The following TRPC5 variants were observed in gnomAD, a reference collection of about 807,000 sequenced individuals.
TRPC5 encodes the protein transient receptor potential cation channel subfamily C member 5.
TRPC5 carries 9 observed loss-of-function variants against 56.5 expected under a neutral mutation model. The observed-to-expected ratio is 0.16, with a 90% CI of 0.10 to 0.28. TRPC5 has a LOEUF of 0.28. TRPC5 is among the 10% of genes least tolerant of loss of function. The pLI, the probability that TRPC5 is intolerant of heterozygous loss-of-function variation, is 1.00. For synonymous variants in TRPC5, 282 were observed against 278.5 expected (o/e 1.01, Z -0.13); for missense variants, 469 against 748.9 (o/e 0.63, Z 4.36).
At position 111,776,327 on chromosome X, in the gene TRPC5, T is replaced by C. The variant is rs1194960473; in HGVS notation, c.2908A>G (p.Thr970Ala). The change falls in exon 11 of 11, where the codon ACA (threonine) becomes GCA (alanine). Residue 970 changes from threonine to alanine, a missense_variant. Coordinates refer to ENST00000262839, the MANE Select transcript of TRPC5 (RefSeq NM_012471.3). ...TAGGGCTTGACTTAGAGGCGAGTTGTAACTTGTTCTTCCTGTCCATCACCC... is the reference window on the plus strand; with the variant it reads ...TAGGGCTTGACTTAGAGGCGAGTTGCAACTTGTTCTTCCTGTCCATCACCC... ...KWGDGQEEQV[T>A]TRL The C allele has an allele frequency of 1.7e-6, 2 of 1,176,933 alleles. No individual in the cohort carries two copies. The highest frequency in any genetic ancestry group is 4.0e-5 in the South Asian group (2 of 50,586).
intron 3 of TRPC5, among the ~76,000 whole-genome samples, chrX:111,899,408 A>C (rs1344211413): frequency 2.7e-5 from 3 of 111,668 alleles, no homozygotes; most frequent in Non-Finnish European, 5.7e-5. Context: ...ATTTTTTTCC[A>C]GTTTTAGGAG....
At chrX:111,802,506 C>T (rs1179742540) in intron 7 of TRPC5, among the ~76,000 whole-genome samples, 1 of 111,800 alleles carries the variant, frequency 8.9e-6, no homozygotes, top group East Asian at 2.8e-4. Context: ...ATTAAGATGA[C>T]ACCTTCAATT....
At chrX:111,914,040 C>T (rs749522839) in intron 2 of TRPC5, among the ~76,000 whole-genome samples, 160 of 109,677 alleles carry the variant, frequency 1.5e-3, no homozygotes, top group African/African-American at 5.2e-3. Context: ...GCTTGCTAGA[C>T]TCACAGAAGA....
intron 1 of TRPC5, among the ~76,000 whole-genome samples, chrX:111,963,025 G>A (rs1927431787): frequency 8.9e-6 from 1 of 112,088 alleles, no homozygotes; most frequent in Non-Finnish European, 1.9e-5. Flanking sequence ...GCAGGGCGAG[G>A]CATTGCCTCA....
intron 1 of TRPC5, among the ~76,000 whole-genome samples, chrX:112,071,517 T>C (rs1346191086): frequency 9.0e-6 from 1 of 111,153 alleles, no homozygotes; most frequent in Non-Finnish European, 1.9e-5. Flanking sequence ...GCTGGCTAAC[T>C]TATTCTGTAA....
intron 3 of TRPC5, among the ~76,000 whole-genome samples, chrX:111,890,024 T>C (rs762756228): frequency 8.9e-6 from 1 of 111,781 alleles, no homozygotes; most frequent in South Asian, 3.8e-4. Flanking sequence ...CAAACTATCA[T>C]GGCTATACAG....
At chrX:111,805,459 C>T (rs746000321) in intron 7 of TRPC5, among the ~76,000 whole-genome samples, 3 of 111,133 alleles carry the variant, frequency 2.7e-5, no homozygotes, top group South Asian at 3.8e-4. Context: ...TGGTAGAATT[C>T]GGCTGTGAAT....
chrX:111,964,957 C>A (rs1041932032), intron 1 of TRPC5, among the ~76,000 whole-genome samples: 2 of 111,795 alleles, frequency 1.8e-5, no homozygotes, highest in African/African-American at 3.3e-5. Context: ...ATGACAGGAC[C>A]AAATTCACAC....
At chrX:112,063,598 T>C (rs1930507491) in intron 1 of TRPC5, among the ~76,000 whole-genome samples, 1 of 111,760 alleles carries the variant, frequency 8.9e-6, no homozygotes, top group South Asian at 3.7e-4. Flanking sequence ...TGCCTCTAGA[T>C]CAGGGCACAG....
At chrX:111,925,054 G>A (rs1329822543) in intron 2 of TRPC5, among the ~76,000 whole-genome samples, 1 of 112,782 alleles carries the variant, frequency 8.9e-6, no homozygotes, top group East Asian at 2.8e-4. Context: ...AATTATGTAG[G>A]ACAGTTCAGT....
intron 3 of TRPC5, among the ~76,000 whole-genome samples, chrX:111,905,680 C>G (rs1427479631): frequency 9.0e-6 from 1 of 110,649 alleles, no homozygotes; most frequent in East Asian, 2.9e-4. Flanking sequence ...TTTGGGAGGC[C>G]AAGGCAAGTG....
chrX:112,063,852 C>G (rs902670249), intron 1 of TRPC5, among the ~76,000 whole-genome samples: 3 of 111,846 alleles, frequency 2.7e-5, no homozygotes, highest in Non-Finnish European at 5.6e-5. Context: ...AGTGCAGTGG[C>G]GCGATCTCGG....
intron 3 of TRPC5, among the ~76,000 whole-genome samples, chrX:111,877,155 T>C (rs1223265933): frequency 1.8e-5 from 2 of 111,723 alleles, no homozygotes; most frequent in African/African-American, 6.5e-5. Flanking sequence ...TGTAATTGTA[T>C]AGGTTAGAGG....
intron 1 of TRPC5, among the ~76,000 whole-genome samples, chrX:112,011,185 G>C (rs779898025): frequency 9.0e-6 from 1 of 111,363 alleles, no homozygotes; most frequent in South Asian, 3.8e-4. Flanking sequence ...GGCTAAGAAA[G>C]TGCCCCCCAA....
At chrX:111,871,891 T>G (rs1923775772) in intron 3 of TRPC5, among the ~76,000 whole-genome samples, 1 of 111,780 alleles carries the variant, frequency 8.9e-6, no homozygotes. Flanking sequence ...TGTAATCCCT[T>G]ATGAATGGCT....
intron 7 of TRPC5, among the ~76,000 whole-genome samples, chrX:111,789,887 A>G (rs999737204): frequency 1.4e-4 from 16 of 112,539 alleles, no homozygotes; most frequent in South Asian, 3.7e-4. Context: ...TAGAATGGCA[A>G]TCATTAAAAA....
chrX:112,074,381 A>C (rs184920631), intron 1 of TRPC5, among the ~76,000 whole-genome samples: 195 of 109,920 alleles, frequency 1.8e-3, no homozygotes, highest in African/African-American at 6.1e-3. Context: ...AAGGACAAAA[A>C]GCCTAAATTT....
intron 3 of TRPC5, among the ~76,000 whole-genome samples, chrX:111,869,345 G>C (rs951609901): frequency 9.0e-6 from 1 of 111,621 alleles, no homozygotes; most frequent in Non-Finnish European, 1.9e-5. Context: ...AAGAAGATAT[G>C]TTCTTACCCA....
At chrX:111,815,462 C>T (rs1354135568) in intron 7 of TRPC5, among the ~76,000 whole-genome samples, 1 of 111,274 alleles carries the variant, frequency 9.0e-6, no homozygotes, top group Non-Finnish European at 1.9e-5. Flanking sequence ...AGCACGGTCG[C>T]CCATACCTGT....
Sources: allele counts gnomAD v4.1 joint callset (sites outside exome capture counted in the v4.1 genomes callset), GRCh38; gene constraint gnomAD v4.1.1; transcripts MANE v1.5; gene names NCBI Gene and HGNC (gene_info 2026-07-23, HGNC 2026-07-21).